The following PTPN4 variants were observed in gnomAD, a reference collection of about 807,000 sequenced individuals.
PTPN4 encodes tyrosine-protein phosphatase non-receptor type 4.
PTPN4 carries 49 observed loss-of-function variants against 135.5 expected under a neutral mutation model. That is an observed-to-expected ratio of 0.36 (90% CI 0.29 to 0.46). The LOEUF is 0.46. PTPN4 is among the 20% of genes least tolerant of loss of function. PTPN4 has a pLI of 1.00. For synonymous variants in PTPN4, 333 were observed against 369.9 expected (o/e 0.90, Z 1.14); for missense variants, 860 against 1,101.0 (o/e 0.78, Z 3.10).
intron 2 of PTPN4, among the ~76,000 whole-genome samples, chr2:119,832,622 A>G (rs1677235409): frequency 6.6e-6 from 1 of 151,974 alleles, no homozygotes; most frequent in South Asian, 2.1e-4. Flanking sequence ...TGATTTTTCA[A>G]TTTGATTTCC....
intron 5 of PTPN4, among the ~76,000 whole-genome samples, chr2:119,878,160 G>A (rs1434705367): frequency 6.6e-6 from 1 of 151,938 alleles, no homozygotes; most frequent in Non-Finnish European, 1.5e-5. Flanking sequence ...TGGTCATTTC[G>A]ACTTGACAGA....
intron 10 of PTPN4, among the ~76,000 whole-genome samples, chr2:119,914,717 T>C (rs1459251178): frequency 6.6e-6 from 1 of 152,182 alleles, no homozygotes; most frequent in South Asian, 2.1e-4. Context: ...TTGGCTCATA[T>C]TGATTGTACT....
At chr2:119,971,859 G>A (rs562138500) in intron 26 of PTPN4, among the ~76,000 whole-genome samples, 5 of 152,346 alleles carry the variant, frequency 3.3e-5, no homozygotes, top group African/African-American at 1.2e-4. Context: ...TCTTTTGCAT[G>A]TGGTTACCCA....
At chr2:119,804,431 C>A (rs534592766) in intron 1 of PTPN4, among the ~76,000 whole-genome samples, 2 of 151,968 alleles carry the variant, frequency 1.3e-5, no homozygotes, top group Non-Finnish European at 2.9e-5. Context: ...CCTCTCCCTG[C>A]CCTCCACCCA....
At chr2:119,776,185 A>T (rs979668142) in intron 1 of PTPN4, among the ~76,000 whole-genome samples, 5 of 152,086 alleles carry the variant, frequency 3.3e-5, no homozygotes, top group East Asian at 3.9e-4. Flanking sequence ...TTTATTTATT[A>T]ATTTTTTTGA....
chr2:119,838,029 C>T (rs1274855503), intron 2 of PTPN4, among the ~76,000 whole-genome samples: 1 of 152,226 alleles, frequency 6.6e-6, no homozygotes, highest in Non-Finnish European at 1.5e-5. Context: ...AAGCTTCCTT[C>T]CAGTAGGAAA....
intron 1 of PTPN4, among the ~76,000 whole-genome samples, chr2:119,804,800 T>C (rs1393883553): frequency 6.6e-6 from 1 of 152,234 alleles, no homozygotes; most frequent in Non-Finnish European, 1.5e-5. Context: ...TACCCAGTAA[T>C]GGGATCTTTG....
At chr2:119,908,933 A>G (rs1406000250) in intron 10 of PTPN4, among the ~76,000 whole-genome samples, 1 of 152,166 alleles carries the variant, frequency 6.6e-6, no homozygotes, top group Admixed American at 6.5e-5. Context: ...GAAACCAGCC[A>G]CAGCATTCCC....
intron 1 of PTPN4, among the ~76,000 whole-genome samples, chr2:119,761,339 G>T (rs1352461249): frequency 1.3e-5 from 2 of 152,132 alleles, no homozygotes; most frequent in Admixed American, 6.5e-5. Flanking sequence ...TAACGTGCCA[G>T]AGGAAAAAAA....
chr2:119,880,350 A>G (rs1040012540), intron 5 of PTPN4, among the ~76,000 whole-genome samples: 2 of 152,200 alleles, frequency 1.3e-5, no homozygotes, highest in Admixed American at 1.3e-4. Flanking sequence ...CAGATTTACA[A>G]TATTATGGCA....
chr2:119,980,883 A>G lies in PTPN4; in HGVS notation c.*3813A>G, dbSNP rs912293998. The G allele has an allele frequency of 6.6e-6, 1 of 152,072 alleles. No homozygotes were observed. The highest frequency in any genetic ancestry group is 2.1e-4 in the South Asian group (1 of 4,830). 9.4% of individuals were successfully genotyped at this position (152,072 alleles called of 1,614,324 possible). A position where few individuals can be genotyped will look rare whatever the true frequency, so the allele number is the denominator to read the frequency against. On this transcript the variant is annotated 3_prime_UTR_variant, in exon 27 of 27. Transcript: ENST00000263708. ...AATTTTTTAAAAGCACTCAAAACAT[A>G]GAACTAAGATTTAGAATATATGTCC...
intron 2 of PTPN4, among the ~76,000 whole-genome samples, chr2:119,815,567 A>G (rs971252575): frequency 8.5e-5 from 13 of 152,228 alleles, no homozygotes; most frequent in Admixed American, 8.5e-4. Flanking sequence ...TTAAAAATAT[A>G]TATACACAGA....
intron 2 of PTPN4, among the ~76,000 whole-genome samples, chr2:119,848,413 T>G (rs1455978285): frequency 6.6e-6 from 1 of 152,082 alleles, no homozygotes; most frequent in Non-Finnish European, 1.5e-5. Context: ...GACCTCGTGA[T>G]CCACCTGCCT....
At chr2:119,871,724 AG>A (rs1039277464) in intron 3 of PTPN4, among the ~76,000 whole-genome samples, 1 of 152,158 alleles carries the variant, frequency 6.6e-6, no homozygotes, top group African/African-American at 2.4e-5. Context: ...AGAAAAAAAA[AG>A]CTTGAATGTT....
chr2:119,805,189 CT>C (rs1467582245), intron 1 of PTPN4, among the ~76,000 whole-genome samples: 1 of 152,070 alleles, frequency 6.6e-6, no homozygotes, highest in African/African-American at 2.4e-5. Flanking sequence ...GATATTAGCC[CT>C]TCGTAGATGG....
At chr2:119,873,874 A>G in intron 3 of PTPN4, among the ~76,000 whole-genome samples, 1 of 152,218 alleles carries the variant, frequency 6.6e-6, no homozygotes, top group East Asian at 1.9e-4. Flanking sequence ...GCTCATTTAT[A>G]TAAGAACAAA....
intron 1 of PTPN4, among the ~76,000 whole-genome samples, chr2:119,767,780 A>G (rs1355442212): frequency 1.3e-5 from 2 of 152,240 alleles, no homozygotes; most frequent in Non-Finnish European, 2.9e-5. Flanking sequence ...ATGTCGTGAT[A>G]TTCTTAGTAC....
intron 9 of PTPN4, among the ~76,000 whole-genome samples, chr2:119,894,226 G>A (rs960725486): frequency 2.0e-5 from 3 of 152,018 alleles, no homozygotes; most frequent in South Asian, 2.1e-4. Context: ...AAGACTTTTC[G>A]ACAGATCCAT....
intron 3 of PTPN4, among the ~76,000 whole-genome samples, chr2:119,872,972 A>C (rs1677934424): frequency 6.6e-6 from 1 of 152,136 alleles, no homozygotes; most frequent in South Asian, 2.1e-4. Context: ...AGGAACCCTG[A>C]ACAGTTTGGA....
Sources: gnomAD v4.1 joint callset for allele counts (sites outside exome capture counted in the v4.1 genomes callset) on GRCh38, gnomAD v4.1.1 for gene constraint, MANE v1.5 for transcripts, NCBI Gene and HGNC (gene_info 2026-07-23, HGNC 2026-07-21) for gene names.